Variants in KCNB2 observed in about 807,000 individuals in gnomAD.
KCNB2 encodes the protein potassium voltage-gated channel subfamily B member 2.
In KCNB2, 15 loss-of-function variants were observed where a neutral mutation model predicts 61.5. The ratio of observed to expected loss-of-function variants is 0.24; its 90% CI spans 0.16 to 0.38. The LOEUF is 0.38. Among genes scored for constraint, KCNB2 ranks in the 10% least tolerant of loss-of-function variants. KCNB2 has a pLI of 1.00. For missense variants in KCNB2, 828 were observed against 1,125.2 expected (o/e 0.74, Z 3.78); for synonymous variants, 457 against 446.0 (o/e 1.02, Z -0.31).
intron 2 of KCNB2, among the ~76,000 whole-genome samples, chr8:72,738,192 T>C (rs1807883123): frequency 6.6e-6 from 1 of 152,166 alleles, no homozygotes; most frequent in Non-Finnish European, 1.5e-5. Flanking sequence ...ATCCATAATG[T>C]CCACCAACTT....
chr8:72,619,446 G>C (rs914311849), intron 2 of KCNB2: 1 of 305,298 alleles, frequency 3.3e-6, no homozygotes, highest in South Asian at 3.8e-5. Context: ...CTAAAAGGTG[G>C]TGTAAAATCT....
intron 2 of KCNB2, among the ~76,000 whole-genome samples, chr8:72,754,147 T>C (rs1301430966): frequency 1.3e-5 from 2 of 152,150 alleles, no homozygotes; most frequent in African/African-American, 2.4e-5. Context: ...GAATCACTAC[T>C]GGAGGACTCT....
intron 2 of KCNB2, among the ~76,000 whole-genome samples, chr8:72,600,020 T>C (rs916098759): frequency 2.0e-5 from 3 of 152,230 alleles, no homozygotes; most frequent in African/African-American, 4.8e-5. Context: ...TCAACCATTG[T>C]GGAAGTCAGT....
At chr8:72,899,736 A>C (rs1585962414) in intron 2 of KCNB2, among the ~76,000 whole-genome samples, 1 of 152,192 alleles carries the variant, frequency 6.6e-6, no homozygotes. Context: ...AGATCACATA[A>C]ATAAATGGAA....
intron 2 of KCNB2, among the ~76,000 whole-genome samples, chr8:72,846,453 C>T (rs112440251): frequency 0.15 from 22,935 of 152,064 alleles, 2,360 homozygotes; most frequent in African/African-American, 0.29. Context: ...GCAAAAGAAA[C>T]TACCATCAGA....
intron 2 of KCNB2, among the ~76,000 whole-genome samples, chr8:72,605,626 A>C (rs747517385): frequency 1.3e-5 from 2 of 152,164 alleles, no homozygotes; most frequent in Non-Finnish European, 2.9e-5. Context: ...AAGTATTTTT[A>C]ATGCTGTAAA....
At chr8:72,657,972 T>C (rs1806318467) in intron 2 of KCNB2, among the ~76,000 whole-genome samples, 1 of 152,152 alleles carries the variant, frequency 6.6e-6, no homozygotes, top group Admixed American at 6.5e-5. Flanking sequence ...ATCTGTCTCC[T>C]TCTCCATGGA....
chr8:72,837,888 T>C (rs1400616575), intron 2 of KCNB2, among the ~76,000 whole-genome samples: 1 of 152,154 alleles, frequency 6.6e-6, no homozygotes, highest in Non-Finnish European at 1.5e-5. Context: ...CTATGAAATA[T>C]GTTAGCAAAA....
intron 2 of KCNB2, among the ~76,000 whole-genome samples, chr8:72,745,737 C>A (rs1043423925): frequency 6.6e-6 from 1 of 152,084 alleles, no homozygotes; most frequent in Non-Finnish European, 1.5e-5. Flanking sequence ...TGATCTCCAG[C>A]CCCTGCTGCC....
At chr8:72,817,418 AG>A (rs2129000846) in intron 2 of KCNB2, among the ~76,000 whole-genome samples, 1 of 152,328 alleles carries the variant, frequency 6.6e-6, no homozygotes, top group East Asian at 1.9e-4. Context: ...AAAACAGCCC[AG>A]ATAGTCATTG....
chr8:72,793,307 C>T (rs1254031493), intron 2 of KCNB2, among the ~76,000 whole-genome samples: 1 of 152,088 alleles, frequency 6.6e-6, no homozygotes, highest in Non-Finnish European at 1.5e-5. Flanking sequence ...GTCACAGATA[C>T]TAATGGGTAG....
intron 2 of KCNB2, among the ~76,000 whole-genome samples, chr8:72,808,596 G>A (rs1315901297): frequency 2.0e-5 from 3 of 152,162 alleles, no homozygotes; most frequent in Non-Finnish European, 2.9e-5. Context: ...AGTTTCAGAG[G>A]ATGCTTGCAA....
chr8:72,759,199 T>C (rs1808339103), intron 2 of KCNB2, among the ~76,000 whole-genome samples: 1 of 152,220 alleles, frequency 6.6e-6, no homozygotes, highest in South Asian at 2.1e-4. Context: ...GAATCTTTTC[T>C]GTTTTAATAG....
chr8:72,737,039 T>C (rs1423723142), intron 2 of KCNB2, among the ~76,000 whole-genome samples: 1 of 152,088 alleles, frequency 6.6e-6, no homozygotes, highest in East Asian at 1.9e-4. Flanking sequence ...CTATTTTTTT[T>C]TTTTGCTCTT....
At chr8:72,742,083 A>G (rs1807969790) in intron 2 of KCNB2, among the ~76,000 whole-genome samples, 1 of 152,242 alleles carries the variant, frequency 6.6e-6, no homozygotes, top group Non-Finnish European at 1.5e-5. Flanking sequence ...AAAATATGGA[A>G]CCAGCCTAAA....
At chr8:72,882,966 C>T (rs1762848662) in intron 2 of KCNB2, among the ~76,000 whole-genome samples, 1 of 152,204 alleles carries the variant, frequency 6.6e-6, no homozygotes, top group Non-Finnish European at 1.5e-5. Context: ...CCCTCTTTAT[C>T]TGCCTTCTCC....
intron 1 of KCNB2, among the ~76,000 whole-genome samples, chr8:72,550,308 C>T (rs537784262): frequency 6.6e-6 from 1 of 152,194 alleles, no homozygotes; most frequent in Non-Finnish European, 1.5e-5. Context: ...TTGTAGCCAG[C>T]TTTTTACAGG....
intron 2 of KCNB2, among the ~76,000 whole-genome samples, chr8:72,596,874 T>C (rs547946067): frequency 1.3e-5 from 2 of 152,284 alleles, no homozygotes; most frequent in South Asian, 2.1e-4. Context: ...AATCAGCATG[T>C]GGTTTACCTC....
At chr8:72,798,354 C>T (rs753446595) in intron 2 of KCNB2, among the ~76,000 whole-genome samples, 12 of 152,140 alleles carry the variant, frequency 7.9e-5, no homozygotes, top group Non-Finnish European at 7.3e-5. Context: ...AATGCCCTGA[C>T]ACGCCTACTG....
Sources: allele counts gnomAD v4.1 joint callset (sites outside exome capture counted in the v4.1 genomes callset), GRCh38; gene constraint gnomAD v4.1.1; transcripts MANE v1.5; gene names NCBI Gene and HGNC (gene_info 2026-07-23, HGNC 2026-07-21).